Variants in ZFHX3 observed in about 807,000 individuals in gnomAD.
The protein encoded by ZFHX3 is zinc finger homeobox 3, also known as zinc finger homeobox protein 3.
A neutral mutation model predicts 279.1 loss-of-function variants in ZFHX3; 42 were observed. The observed-to-expected ratio is 0.15, with a 90% CI of 0.12 to 0.19. The LOEUF (loss-of-function observed/expected upper bound fraction) is 0.19, where lower values mean the gene tolerates loss of function less well. ZFHX3 is among the 10% of genes least tolerant of loss of function. The probability of loss-of-function intolerance (pLI) is 1.00; values close to 1 mark genes in which losing one functional copy is unlikely to be tolerated. For missense variants in ZFHX3, 4,981 were observed against 4,754.0 expected (o/e 1.05, Z -1.40); for synonymous variants, 2,293 against 1,957.8 (o/e 1.17, Z -4.52).
At chr16:73,788,510 C>T (rs1015497120) in intron 1 of ZFHX3, among the ~76,000 whole-genome samples, 5 of 152,104 alleles carry the variant, frequency 3.3e-5, no homozygotes, top group African/African-American at 1.2e-4. Flanking sequence ...TATCATGCCT[C>T]ACATCATTAC....
intron 2 of ZFHX3, among the ~76,000 whole-genome samples, chr16:73,632,834 T>C (rs2052489821): frequency 6.6e-6 from 1 of 152,210 alleles, no homozygotes; most frequent in Admixed American, 6.5e-5. Flanking sequence ...CCCAGCACTT[T>C]GGGAGGCCGA....
intron 5 of ZFHX3, among the ~76,000 whole-genome samples, chr16:73,208,753 ATGTATTACTT>A (rs1408339695): frequency 2.0e-5 from 3 of 152,222 alleles, no homozygotes; most frequent in African/African-American, 7.2e-5. Flanking sequence ...CCCCCAAGCC[ATGTATTACTT>A]TTATAATAGG....
intron 2 of ZFHX3, among the ~76,000 whole-genome samples, chr16:73,495,807 C>T (rs901728889): frequency 2.0e-5 from 3 of 152,204 alleles, no homozygotes; most frequent in African/African-American, 7.2e-5. Flanking sequence ...GCAGACAGAA[C>T]ACTTCATATC....
intron 4 of ZFHX3, among the ~76,000 whole-genome samples, chr16:73,278,154 T>C (rs758038539): frequency 1.3e-5 from 2 of 152,200 alleles, no homozygotes; most frequent in Admixed American, 6.5e-5. Flanking sequence ...TCTTTTCCAT[T>C]AATTTGGTAA....
intron 1 of ZFHX3, among the ~76,000 whole-genome samples, chr16:73,680,469 C>A (rs1233908185): frequency 1.3e-5 from 2 of 152,150 alleles, no homozygotes; most frequent in Non-Finnish European, 1.5e-5. Flanking sequence ...GCAAAGAAAG[C>A]CTGTGCTCTC....
intron 1 of ZFHX3, among the ~76,000 whole-genome samples, chr16:73,043,255 C>T (rs1236204547): frequency 6.6e-6 from 1 of 152,220 alleles, no homozygotes. Flanking sequence ...AAACCCCCCA[C>T]ACAGTAATCC....
At chr16:72,843,513 TAAAAAAAAAAAAAA>T (rs59007764) in intron 4 of ZFHX3, among the ~76,000 whole-genome samples, 54 of 39,462 alleles carry the variant, frequency 1.4e-3, no homozygotes, top group East Asian at 3.9e-3. Context: ...AGACTCCGTC[TAAAAAAAAAAAAAA>T]AAAAAAAAAA....
At chr16:72,866,715 C>A (rs1446927316) in intron 4 of ZFHX3, among the ~76,000 whole-genome samples, 1 of 152,078 alleles carries the variant, frequency 6.6e-6, no homozygotes, top group Non-Finnish European at 1.5e-5. Context: ...AGTAGAATGT[C>A]CAAGGACATT....
At chr16:73,174,470 G>A (rs1367937176) in intron 5 of ZFHX3, among the ~76,000 whole-genome samples, 2 of 152,074 alleles carry the variant, frequency 1.3e-5, no homozygotes, top group African/African-American at 4.8e-5. Context: ...GTGGTAGAAG[G>A]GGGCTGGTAT....
chr16:73,079,244 G>A (rs1412626173), intron 8 of ZFHX3, among the ~76,000 whole-genome samples: 1 of 151,656 alleles, frequency 6.6e-6, no homozygotes, highest in Admixed American at 6.6e-5. Flanking sequence ...TATTTTTAAG[G>A]CCGGGCATAG....
At position 72,999,715 on chromosome 16, in the gene ZFHX3, G is replaced by A. The variant is rs189041163; in HGVS notation, c.-49-39521C>T. On this transcript the variant is annotated intron_variant, in intron 1 of 9. Transcript: ENST00000268489. Reference sequence around the variant, plus strand: ...ACATGGGACAGCCTTCGATGCCAGCGTGGGCAGGGGTCTCACCTGAGCCCA... The same window carrying A: ...ACATGGGACAGCCTTCGATGCCAGCATGGGCAGGGGTCTCACCTGAGCCCA... Among the ~76,000 whole-genome samples, 52 of 152,292 alleles carry A rather than the reference G, an allele frequency of 3.4e-4. No homozygotes were observed. The East Asian group carries it at 7.0e-3, about 20-fold the overall frequency.
chr16:73,224,447 C>T (rs926453469), intron 5 of ZFHX3, among the ~76,000 whole-genome samples: 2 of 152,272 alleles, frequency 1.3e-5, no homozygotes, highest in South Asian at 4.1e-4. Context: ...TATTTCTTTG[C>T]TTGACATGGA....
intron 5 of ZFHX3, among the ~76,000 whole-genome samples, chr16:73,161,489 T>C (rs775070925): frequency 9.9e-5 from 15 of 152,234 alleles, no homozygotes; most frequent in Non-Finnish European, 2.1e-4. Context: ...TTATATGTCT[T>C]TGTGCCTCCA....
chr16:73,063,244 G>C (rs1396165123), upstream of ZFHX3, among the ~76,000 whole-genome samples: 1 of 152,226 alleles, frequency 6.6e-6, no homozygotes, highest in Non-Finnish European at 1.5e-5. Flanking sequence ...ATCCTGGAGC[G>C]AGGTGCAGCC....
intron 3 of ZFHX3, among the ~76,000 whole-genome samples, chr16:73,449,028 T>G (rs2018240019): frequency 6.6e-6 from 1 of 152,180 alleles, no homozygotes; most frequent in African/African-American, 2.4e-5. Context: ...GGTTCATGTT[T>G]GAATATAATT....
At chr16:73,578,383 GA>G (rs11442717) in intron 2 of ZFHX3, among the ~76,000 whole-genome samples, 8,681 of 144,230 alleles carry the variant, frequency 0.06, 780 homozygotes, top group African/African-American at 0.2. Context: ...GATGTTAAAT[GA>G]AAAAAAAAAA....
intron 4 of ZFHX3, among the ~76,000 whole-genome samples, chr16:72,856,669 C>G (rs2037762833): frequency 6.6e-6 from 1 of 152,160 alleles, no homozygotes; most frequent in Non-Finnish European, 1.5e-5. Context: ...ATGGAAAACT[C>G]CTCTGTGGCT....
chr16:73,674,683 T>C (rs758786619), intron 2 of ZFHX3, among the ~76,000 whole-genome samples: 2 of 152,208 alleles, frequency 1.3e-5, no homozygotes, highest in African/African-American at 4.8e-5. Context: ...GGTGACTTCC[T>C]TTAACTAATG....
At chr16:73,491,046 T>A (rs1362298636) in intron 2 of ZFHX3, among the ~76,000 whole-genome samples, 1 of 152,240 alleles carries the variant, frequency 6.6e-6, no homozygotes, top group Non-Finnish European at 1.5e-5. Context: ...CAAAATGTCA[T>A]CGAAATATTC....
Sources: allele counts gnomAD v4.1 joint callset (sites outside exome capture counted in the v4.1 genomes callset), GRCh38; gene constraint gnomAD v4.1.1; transcripts MANE v1.5; gene names NCBI Gene and HGNC (gene_info 2026-07-23, HGNC 2026-07-21).